The following PDPK1 variants were observed in gnomAD, a reference collection of about 807,000 sequenced individuals.
The protein encoded by PDPK1 is 3-phosphoinositide-dependent protein kinase 1.
PDPK1 carries 7 observed loss-of-function variants against 39.8 expected under a neutral mutation model. That is an observed-to-expected ratio of 0.18 (90% CI 0.10 to 0.33). The LOEUF is 0.33. PDPK1 is among the 10% of genes least tolerant of loss of function. PDPK1 has a pLI of 1.00. For missense variants in PDPK1, 182 were observed against 384.7 expected (o/e 0.47, Z 4.41); for synonymous variants, 118 against 159.1 (o/e 0.74, Z 1.95).
At chr16:2,585,169 G>T (rs1387447594) in intron 10 of PDPK1, among the ~76,000 whole-genome samples, 4 of 152,222 alleles carry the variant, frequency 2.6e-5, no homozygotes, top group Admixed American at 1.3e-4. Context: ...CCGCATACCT[G>T]TGCAGGCCCC....
At chr16:2,585,484 C>G (rs2066849665) in intron 10 of PDPK1, among the ~76,000 whole-genome samples, 1 of 152,222 alleles carries the variant, frequency 6.6e-6, no homozygotes, top group Admixed American at 6.5e-5. Context: ...TGGGCGTCCC[C>G]TTCAGCCAGG....
chr16:2,542,550 G>A (rs2066263938), intron 1 of PDPK1, among the ~76,000 whole-genome samples: 1 of 152,116 alleles, frequency 6.6e-6, no homozygotes, highest in Non-Finnish European at 1.5e-5. Flanking sequence ...AGATGGACAA[G>A]CCTGACATTA....
At chr16:2,580,192 T>TG (rs1355767684) in intron 7 of PDPK1, among the ~76,000 whole-genome samples, 117 of 143,566 alleles carry the variant, frequency 8.1e-4, no homozygotes, top group Non-Finnish European at 1.6e-3. Flanking sequence ...GACTTGTGGG[T>TG]GTCTTGATCA....
intron 11 of PDPK1, chr16:2,592,934 C>T (rs768792472): frequency 2.2e-6 from 1 of 456,422 alleles, no homozygotes; most frequent in Admixed American, 2.4e-5. Flanking sequence ...GTGGTGCTGG[C>T]GTGTTCTGTC....
At chr16:2,542,318 A>G (rs949596080) in intron 1 of PDPK1, among the ~76,000 whole-genome samples, 11 of 151,986 alleles carry the variant, frequency 7.2e-5, no homozygotes, top group African/African-American at 1.7e-4. Context: ...CACCACCTAC[A>G]TTATTTATTT....
Position 2,599,988 on chromosome 16 carries a change from A to G in PDPK1, c.*2221A>G. 4.3e-6 allele frequency: 1 copy of G among 233,178 alleles called. No individual in the cohort carries two copies. The highest frequency in any genetic ancestry group is 6.0e-5 in the East Asian group (1 of 16,596). The allele number at this position is 233,178 out of a possible 1,614,324, so 14.4% of individuals were successfully genotyped here. A position where few individuals can be genotyped will look rare whatever the true frequency, so the allele number is the denominator to read the frequency against. ...AGCCAGAGCTGGCAGCCGCCAGCCA[A>G]AATGATGCCATTGCCTGAGCTGACA... On this transcript the variant is annotated 3_prime_UTR_variant, in exon 14 of 14. Coordinates refer to ENST00000342085, the MANE Select transcript of PDPK1 (RefSeq NM_002613.5).
chr16:2,584,853 A>C (rs981509370), intron 10 of PDPK1, among the ~76,000 whole-genome samples: 1 of 152,094 alleles, frequency 6.6e-6, no homozygotes, highest in Non-Finnish European at 1.5e-5. Context: ...TGCAGCTTTC[A>C]TGTATGCAGA....
At chr16:2,595,187 T>C (rs1289552073) in intron 11 of PDPK1, among the ~76,000 whole-genome samples, 1 of 152,218 alleles carries the variant, frequency 6.6e-6, no homozygotes, top group Non-Finnish European at 1.5e-5. Context: ...ATAATGTATA[T>C]TAAATTAAAG....
chr16:2,543,986 C>T (rs1385529968), intron 1 of PDPK1, among the ~76,000 whole-genome samples: 2 of 151,544 alleles, frequency 1.3e-5, no homozygotes, highest in Middle Eastern at 3.2e-3. Flanking sequence ...CCGCCCACCT[C>T]GGCCCCCCAA....
At chr16:2,546,152 C>T (rs1382511768) in intron 1 of PDPK1, among the ~76,000 whole-genome samples, 4 of 151,950 alleles carry the variant, frequency 2.6e-5, no homozygotes, top group African/African-American at 4.8e-5. Context: ...GGCGCGATCT[C>T]GGCTCACTGC....
chr16:2,577,805 C>G (rs1478793001), intron 7 of PDPK1, among the ~76,000 whole-genome samples: 1 of 149,314 alleles, frequency 6.7e-6, no homozygotes, highest in Non-Finnish European at 1.5e-5. Context: ...GTGGCACCAT[C>G]TCTGCTCGCT....
intron 1 of PDPK1, among the ~76,000 whole-genome samples, chr16:2,545,336 C>T (rs77930305): frequency 0.049 from 7,098 of 146,252 alleles, 544 homozygotes; most frequent in African/African-American, 0.17. Flanking sequence ...CTTTCTCTCT[C>T]TTTTTTTTTT....
chr16:2,590,365 A>G (rs1030033568), intron 11 of PDPK1, among the ~76,000 whole-genome samples: 4 of 152,224 alleles, frequency 2.6e-5, no homozygotes, highest in Non-Finnish European at 5.9e-5. Context: ...GGCAATAGTC[A>G]TATCTTCACA....
chr16:2,594,951 C>A (rs986556325), intron 11 of PDPK1, among the ~76,000 whole-genome samples: 1 of 152,102 alleles, frequency 6.6e-6, no homozygotes, highest in Non-Finnish European at 1.5e-5. Flanking sequence ...GAAACCCCGT[C>A]TCTACTAAAG....
In PDPK1 at chr16:2,600,978, C is replaced by T. The variant is rs912218357; in HGVS notation, c.*3211C>T. ...CAGAAACATGTTTTTAACAATTGTA[C>T]TATTTAGTCATTGTCCATTTACTAT... is the stretch of plus-strand genomic sequence containing the variant. On this transcript the variant is annotated 3_prime_UTR_variant, in exon 14 of 14. Transcript: ENST00000342085. 1 of 230,292 alleles carries T rather than the reference C, an allele frequency of 4.3e-6. No homozygotes were observed. The highest frequency in any genetic ancestry group is 2.3e-5 in the African/African-American group (1 of 43,858). 14.3% of individuals were successfully genotyped at this position (230,292 alleles called of 1,614,324 possible).
intron 11 of PDPK1, among the ~76,000 whole-genome samples, chr16:2,592,200 A>T (rs1215541863): frequency 6.6e-6 from 1 of 152,188 alleles, no homozygotes; most frequent in African/African-American, 2.4e-5. Flanking sequence ...GGTGGCAAGA[A>T]CCTGCGCTTT....
chr16:2,597,940 A>C lies in PDPK1; in HGVS notation c.*173A>C, dbSNP rs925399063. On this transcript the variant is annotated 3_prime_UTR_variant, in exon 14 of 14. Coordinates refer to ENST00000342085, the MANE Select transcript of PDPK1 (RefSeq NM_002613.5). This position sits in a 1 kb window ranked among gnomAD's most constrained non-coding sequence, Gnocchi z 6.3. ...AAGAAGAAAAAAAACACCCAACCAC[A>C]CAAAGAACAAAACCAGTAACAAACA... 8.6e-5 allele frequency: 51 copies of C among 590,560 alleles called. No homozygotes were observed. Among genetic ancestry groups the C allele is most frequent in the Non-Finnish European group, 1.4e-4 (47 of 332,422 alleles). The allele number at this position is 590,560 out of a possible 1,614,324, so 36.6% of individuals were successfully genotyped here. A position where few individuals can be genotyped will look rare whatever the true frequency, so the allele number is the denominator to read the frequency against.
At chr16:2,541,280 C>T (rs1170661654) in intron 1 of PDPK1, among the ~76,000 whole-genome samples, 2 of 152,118 alleles carry the variant, frequency 1.3e-5, no homozygotes, top group African/African-American at 2.4e-5. Context: ...GTTCCTTTTT[C>T]AGTCTATGCA....
At chr16:2,541,152 G>A (rs1597013524) in intron 1 of PDPK1, among the ~76,000 whole-genome samples, 1 of 152,210 alleles carries the variant, frequency 6.6e-6, no homozygotes, top group Non-Finnish European at 1.5e-5. Context: ...CTTATGAGAA[G>A]GATCCAGCAG....
Sources: gnomAD v4.1 joint callset for allele counts (sites outside exome capture counted in the v4.1 genomes callset) on GRCh38, gnomAD v4.1.1 for gene constraint, Gnocchi (gnomAD v3.1) non-coding constraint, MANE v1.5 for transcripts, NCBI Gene and HGNC (gene_info 2026-07-23, HGNC 2026-07-21) for gene names.